Variants in HMCN1 observed in about 807,000 individuals in gnomAD.
HMCN1 encodes hemicentin-1.
A neutral mutation model predicts 625.9 loss-of-function variants in HMCN1; 321 were observed. The ratio of observed to expected loss-of-function variants is 0.51; its 90% confidence interval spans 0.47 to 0.56. The LOEUF is 0.56. Ranked by LOEUF, HMCN1 falls within the 20% of genes least tolerant of loss-of-function variation. The probability of loss-of-function intolerance (pLI) is 0.00; values close to 1 mark genes in which losing one functional copy is unlikely to be tolerated. For synonymous variants in HMCN1, 2,425 were observed against 2,417.6 expected, an observed-to-expected ratio of 1.00 and a Z score of -0.09; for missense variants, 6,588 against 6,887.3, an observed-to-expected ratio of 0.96 and a Z score of 1.54.
At chr1:186,077,367 A>T (rs1231056038) in intron 54 of HMCN1, among the ~76,000 whole-genome samples, 1 of 152,150 alleles carries the variant, frequency 6.6e-6, no homozygotes, top group Non-Finnish European at 1.5e-5. Flanking sequence ...TGGACTGCGG[A>T]TTCAATAGTA....
intron 42 of HMCN1, among the ~76,000 whole-genome samples, chr1:186,049,567 C>T (rs758338209): frequency 5.3e-5 from 8 of 151,922 alleles, no homozygotes; most frequent in Non-Finnish European, 1.0e-4. Context: ...CTGTGGCTAT[C>T]AGCTAAAAAG....
Position 186,144,566 on chromosome 1 carries a change from G to A in HMCN1, c.14129G>A (p.Ser4710Asn), listed in dbSNP as rs769580412. 1.3e-5 allele frequency: 21 copies of A among 1,613,950 alleles called. No individual in the cohort carries two copies. Among genetic ancestry groups the A allele is most frequent in the African/African-American group, 2.7e-5 (2 of 74,878 alleles). ...AAGTGGGCGACTTGGGCCAGTTGGA[G>A]TGCCTGTTCTGTGTCATGTGGAGGA... ...HGKWATWASW[S>N]ACSVSCGGGA... The change falls in exon 91 of 107, where the codon AGT becomes AAT. Residue 4710 changes from serine to asparagine, a missense_variant. This residue lies in a region of HMCN1 where 1,954 missense variants were observed against 2,013.1 expected (regional missense o/e 0.97). Coordinates refer to ENST00000271588, the MANE Select transcript of HMCN1 (RefSeq NM_031935.3).
intron 4 of HMCN1, among the ~76,000 whole-genome samples, chr1:185,887,485 G>T (rs1243813906): frequency 6.8e-6 from 1 of 147,464 alleles, no homozygotes; most frequent in Non-Finnish European, 1.5e-5. Context: ...AGTCCCCAGA[G>T]TGTGATTTTC....
intron 1 of HMCN1, among the ~76,000 whole-genome samples, chr1:185,808,008 A>T (rs111511661): frequency 0.027 from 4,158 of 152,230 alleles, 167 homozygotes; most frequent in African/African-American, 0.093. Flanking sequence ...TAAAATAATT[A>T]ACTTAAAAGT....
At chr1:185,818,835 CTT>C (rs10590968) in intron 1 of HMCN1, among the ~76,000 whole-genome samples, 3,655 of 151,904 alleles carry the variant, frequency 0.024, 138 homozygotes, top group African/African-American at 0.082. Flanking sequence ...CATTTGGAAA[CTT>C]ATAAATTTTT....
At chr1:186,092,877 A>G (rs1178029505) in intron 64 of HMCN1, among the ~76,000 whole-genome samples, 1 of 152,054 alleles carries the variant, frequency 6.6e-6, no homozygotes, top group African/African-American at 2.4e-5. Context: ...CCTTATATGG[A>G]TAACTAAGAA....
At chr1:185,846,610 T>C (rs115510406) in intron 2 of HMCN1, among the ~76,000 whole-genome samples, 13 of 152,352 alleles carry the variant, frequency 8.5e-5, no homozygotes, top group Non-Finnish European at 1.9e-4. Context: ...GAGGTAAAGT[T>C]GCAATGCATC....
intron 49 of HMCN1, among the ~76,000 whole-genome samples, chr1:186,065,699 T>C (rs1039186593): frequency 8.5e-5 from 13 of 152,138 alleles, no homozygotes; most frequent in African/African-American, 3.1e-4. Context: ...GATAAAGATA[T>C]GTTGGTCAAA....
intron 97 of HMCN1, among the ~76,000 whole-genome samples, chr1:186,161,002 T>C (rs1651427093): frequency 6.6e-6 from 1 of 152,198 alleles, no homozygotes; most frequent in South Asian, 2.1e-4. Flanking sequence ...CGTTGATCTG[T>C]CTAATGTTTA....
At chr1:185,870,482 G>A (rs1391581363) in intron 4 of HMCN1, among the ~76,000 whole-genome samples, 2 of 151,714 alleles carry the variant, frequency 1.3e-5, no homozygotes, top group Non-Finnish European at 2.9e-5. Context: ...CCCTTCCCTC[G>A]AAAAAAACTT....
Position 186,153,850 on chromosome 1 carries a change from A to ACC in HMCN1, c.15120_15121dup (p.His5041ProfsTer32). The ACC allele has an allele frequency of 6.2e-7, 1 of 1,614,172 alleles. No individual in the cohort carries two copies. The highest frequency in any genetic ancestry group is 8.5e-7 in the Non-Finnish European group (1 of 1,180,014). On this transcript the variant is annotated frameshift_variant, in exon 97 of 107. Coordinates refer to ENST00000271588, the MANE Select transcript of HMCN1 (RefSeq NM_031935.3). LOFTEE classifies it high-confidence loss of function. Reference sequence around the variant, plus strand: ...GGCATCAGCATCCCATACACATGGAACCACACCGTTTTCTATGATCAGGCA... The same window carrying ACC: ...GGCATCAGCATCCCATACACATGGAACCCCACACCGTTTTCTATGATCAGGCA...
At chr1:186,091,051 C>A in intron 64 of HMCN1, 134 bp downstream of exon 64, 2 of 1,039,156 alleles carry the variant, frequency 1.9e-6, no homozygotes, top group Admixed American at 2.4e-5. Flanking sequence ...CACAAAGAAA[C>A]AAAAAACTTT....
chr1:185,962,734 G>T, intron 12 of HMCN1, 75 bp downstream of exon 12: 1 of 848,866 alleles, frequency 1.2e-6, no homozygotes, highest in South Asian at 1.3e-5. Flanking sequence ...AAACTAATAT[G>T]ACCAAATCCC....
In HMCN1 at chr1:186,108,583, G is replaced by A. The variant is rs776361996; in HGVS notation, c.10975G>A (p.Gly3659Arg). ...ACCTGTAATTACTTGGCTCAGAAATGGAGAACGGTTACAGGTAAATTTTTT... is the reference window on the plus strand; with the variant it reads ...ACCTGTAATTACTTGGCTCAGAAATAGAGAACGGTTACAGGTAAATTTTTT... ...PPPVITWLRNGERLQATPRVR... is the reference protein window; with the variant it reads ...PPPVITWLRNRERLQATPRVR... Residue 3659 changes from glycine to arginine, a missense_variant, in exon 71 of 107, where the codon GGA (glycine) becomes AGA (arginine). Around this residue, in one of 3 missense-constraint regions of HMCN1, gnomAD observed 4,628 missense variants for 4,853.1 expected, o/e 0.95. Transcript: ENST00000271588. 3.1e-6 allele frequency: 5 copies of A among 1,613,948 alleles called. No individual in the cohort carries two copies. Among genetic ancestry groups the A allele is most frequent in the Non-Finnish European group, 4.2e-6 (5 of 1,179,996 alleles).
chr1:185,997,269 ACGT>A (rs765444322), intron 24 of HMCN1, among the ~76,000 whole-genome samples, 157 bp from the exon 25 acceptor site: 30 of 152,256 alleles, frequency 2.0e-4, no homozygotes, highest in South Asian at 8.3e-4. Context: ...GCACTGGGTG[ACGT>A]CTAGGTAGAA....
At chr1:186,158,867 C>A (rs9661941) in intron 97 of HMCN1, among the ~76,000 whole-genome samples, 1 of 150,246 alleles carries the variant, frequency 6.7e-6, no homozygotes, top group Non-Finnish European at 1.5e-5. Flanking sequence ...AGTCAGGTAG[C>A]GTGATGCCTC....
intron 59 of HMCN1, 26 bp downstream of exon 59, chr1:186,087,356 T>C (rs1370924072): frequency 2.5e-6 from 4 of 1,601,340 alleles, no homozygotes; most frequent in Non-Finnish European, 1.7e-6. Flanking sequence ...CTTCATAAAA[T>C]TCTTTTATTT....
chr1:185,796,473 A>G (rs1388709784), intron 1 of HMCN1, among the ~76,000 whole-genome samples: 2 of 152,192 alleles, frequency 1.3e-5, no homozygotes, highest in South Asian at 4.1e-4. Context: ...TCCACTCCCT[A>G]TGTCCATGCG....
chr1:185,847,777 C>A (rs1262828844), intron 2 of HMCN1, among the ~76,000 whole-genome samples: 2 of 151,936 alleles, frequency 1.3e-5, no homozygotes, highest in African/African-American at 4.8e-5. Context: ...CATAGTGAGA[C>A]CCTGTCTCTA....
Sources: gnomAD v4.1 joint callset for allele counts (sites outside exome capture counted in the v4.1 genomes callset) on GRCh38, gnomAD v4.1.1 for gene constraint, gnomAD v4.1.1 regional missense constraint, MANE v1.5 for transcripts, NCBI Gene and HGNC (gene_info 2026-07-23, HGNC 2026-07-21) for gene names.